Variants in SLC26A5 observed in about 807,000 individuals in gnomAD.
The protein encoded by SLC26A5 is solute carrier family 26 member 5.
SLC26A5 carries 51 observed loss-of-function variants against 81.0 expected under a neutral mutation model. That is an observed-to-expected ratio of 0.63 (90% CI 0.50 to 0.80). The LOEUF (loss-of-function observed/expected upper bound fraction) is 0.80, where lower values mean the gene tolerates loss of function less well. SLC26A5 is among the 30% of genes least tolerant of loss of function. The pLI is 0.00. For synonymous variants in SLC26A5, 325 were observed against 332.8 expected, an observed-to-expected ratio of 0.98 and a Z score of 0.25; for missense variants, 771 against 905.8, an observed-to-expected ratio of 0.85 and a Z score of 1.91.
chr7:103,397,231 A>G (rs1293447759), intron 9 of SLC26A5, among the ~76,000 whole-genome samples: 2 of 151,754 alleles, frequency 1.3e-5, no homozygotes, highest in Non-Finnish European at 2.9e-5. Flanking sequence ...ACATGGAGAA[A>G]CCCTGTCTCT....
rs1486086919 is a variant in SLC26A5 at position 103,421,300 on chromosome 7, T to C, written c.152+63A>G. 3.2e-6 allele frequency: 5 copies of C among 1,566,712 alleles called. No individual in the cohort carries two copies. In the African/African-American group the frequency reaches 4.1e-5, roughly 13 times the overall value. Reference sequence around the variant, plus strand: ...CACCAAACAGATTTTCTTTACACATTTGACCTTGCGCCTCTCATAACTGAA... The same window carrying C: ...CACCAAACAGATTTTCTTTACACATCTGACCTTGCGCCTCTCATAACTGAA... On this transcript the variant is annotated intron_variant, in intron 3 of 19. Coordinates refer to ENST00000306312, the MANE Select transcript of SLC26A5 (RefSeq NM_198999.3).
intron 2 of SLC26A5, among the ~76,000 whole-genome samples, chr7:103,435,737 G>A (rs1377291822): frequency 1.7e-4 from 26 of 152,070 alleles, no homozygotes; most frequent in Admixed American, 1.7e-3. Context: ...TCTTTCTAGG[G>A]GATCACTTGC....
At chr7:103,371,120 A>G (rs2116301636), downstream of SLC26A5, among the ~76,000 whole-genome samples, 1 of 152,354 alleles carries the variant, frequency 6.6e-6, no homozygotes, top group East Asian at 1.9e-4. Flanking sequence ...TGAGTAAAAC[A>G]TTCTGACGTA....
In SLC26A5 at chr7:103,392,640, C is replaced by T. The variant is rs533930016; in HGVS notation, c.1119+279G>A. On this transcript the variant is annotated intron_variant, in intron 10 of 19. Coordinates refer to ENST00000306312, the MANE Select transcript of SLC26A5 (RefSeq NM_198999.3). The stretch of plus-strand genomic sequence containing the variant: ...TCGCCCAGGCTGGAGTGCAGCGGCG[C>T]GACCTCGGCTCACTGCAAGCTCCGC... Among the ~76,000 whole-genome samples, 16 of 152,276 alleles carry T rather than the reference C, an allele frequency of 1.1e-4. 1 individual carries two copies. Among genetic ancestry groups the T allele is most frequent in the African/African-American group, 3.9e-4 (16 of 41,558 alleles).
intron 19 of SLC26A5, among the ~76,000 whole-genome samples, chr7:103,363,090 G>T (rs111293112): frequency 9.9e-5 from 15 of 152,108 alleles, no homozygotes; most frequent in African/African-American, 3.6e-4. Context: ...CACTGAGCCC[G>T]GCAGTATTTT....
chr7:103,381,000 C>A (rs1586218186), intron 14 of SLC26A5, among the ~76,000 whole-genome samples: 1 of 151,612 alleles, frequency 6.6e-6, no homozygotes, highest in African/African-American at 2.4e-5. Context: ...TACATACCCC[C>A]ACACACATGC....
intron 14 of SLC26A5, 21 bp from the exon 15 acceptor site, chr7:103,380,570 A>T (rs779164144): frequency 1.2e-6 from 2 of 1,607,520 alleles, no homozygotes; most frequent in Non-Finnish European, 1.7e-6. Context: ...AGAGTGTTAA[A>T]TACCATTGTG....
At chr7:103,388,332 G>T (rs1822371500) in intron 14 of SLC26A5, among the ~76,000 whole-genome samples, 1 of 151,802 alleles carries the variant, frequency 6.6e-6, no homozygotes, top group African/African-American at 2.4e-5. Context: ...AAGTAGCTGG[G>T]ATTACAGGTG....
At chr7:103,412,566 T>C (rs1410444616) in intron 5 of SLC26A5, among the ~76,000 whole-genome samples, 1 of 150,256 alleles carries the variant, frequency 6.7e-6, no homozygotes, top group Non-Finnish European at 1.5e-5. Flanking sequence ...TTTTTTTTTT[T>C]TGAGACAGAG....
At chr7:103,362,792 G>A (rs764001549) in intron 19 of SLC26A5, 3 of 867,924 alleles carry the variant, frequency 3.5e-6, no homozygotes, top group Admixed American at 2.2e-5. Context: ...GGAAGGCTAT[G>A]TCTTTTTTTT....
At chr7:103,369,170 GAAATT>G (rs1254200789) in intron 19 of SLC26A5, 1 of 152,084 alleles carries the variant, frequency 6.6e-6, no homozygotes, top group Non-Finnish European at 1.5e-5. Context: ...TTCAAGTAAA[GAAATT>G]AAAGCCTTTT....
At chr7:103,440,263 T>C (rs1409395925) in intron 2 of SLC26A5, among the ~76,000 whole-genome samples, 1 of 152,202 alleles carries the variant, frequency 6.6e-6, no homozygotes, top group African/African-American at 2.4e-5. Flanking sequence ...ACCTTTGAGA[T>C]TGTTGTTAAA....
chr7:103,359,760 T>C (rs972919612), intron 19 of SLC26A5, among the ~76,000 whole-genome samples: 27 of 152,366 alleles, frequency 1.8e-4, no homozygotes, highest in African/African-American at 5.8e-4. Flanking sequence ...CTTTAGCTTT[T>C]TGAAAATATT....
At chr7:103,381,544 A>G (rs1303728046) in intron 14 of SLC26A5, among the ~76,000 whole-genome samples, 1 of 151,018 alleles carries the variant, frequency 6.6e-6, no homozygotes, top group Non-Finnish European at 1.5e-5. Context: ...CACATACCAT[A>G]TACCTCACAC....
At chr7:103,373,860 T>C (rs1426424021), downstream of SLC26A5, among the ~76,000 whole-genome samples, 1 of 152,242 alleles carries the variant, frequency 6.6e-6, no homozygotes, top group Non-Finnish European at 1.5e-5. Flanking sequence ...AAATATGTTT[T>C]ATGTTCTTAT....
chr7:103,412,571 A>T lies in SLC26A5; in HGVS notation c.403+431T>A, dbSNP rs1440424740. Among the ~76,000 whole-genome samples, 6 of 128,194 alleles carry T rather than the reference A, an allele frequency of 4.7e-5. No individual in the cohort carries two copies. In the East Asian group the frequency reaches 1.3e-3, roughly 27 times the overall value. 84.1% of individuals were successfully genotyped at this position (128,194 alleles called of 152,430 possible). A position where few individuals can be genotyped will look rare whatever the true frequency, so the allele number is the denominator to read the frequency against. ...TTTTTTTGTTTTTTTTTTTTTTGAGACAGAGTCTCGTTCTGTTGCCCAGGT... is the reference window on the plus strand; with the variant it reads ...TTTTTTTGTTTTTTTTTTTTTTGAGTCAGAGTCTCGTTCTGTTGCCCAGGT... On this transcript the variant is annotated intron_variant, in intron 5 of 19. Coordinates refer to ENST00000306312, the MANE Select transcript of SLC26A5 (RefSeq NM_198999.3).
At chr7:103,369,838 G>A (rs1220000861), downstream of SLC26A5, among the ~76,000 whole-genome samples, 1 of 152,180 alleles carries the variant, frequency 6.6e-6, no homozygotes, top group Non-Finnish European at 1.5e-5. Context: ...TGTTAAAAAT[G>A]TGATTAGGTG....
chr7:103,427,305 G>C (rs1278676242), intron 2 of SLC26A5, among the ~76,000 whole-genome samples: 5 of 151,862 alleles, frequency 3.3e-5, no homozygotes, highest in Non-Finnish European at 7.4e-5. Context: ...TCAAACTCTT[G>C]ACCCTCAGGT....
chr7:103,427,606 T>A (rs970154581), intron 2 of SLC26A5, among the ~76,000 whole-genome samples: 11 of 152,204 alleles, frequency 7.2e-5, no homozygotes, highest in Admixed American at 7.2e-4. Context: ...TAACAACATT[T>A]TAAACTTCAG....
Sources: gnomAD v4.1 joint callset for allele counts (sites outside exome capture counted in the v4.1 genomes callset) on GRCh38, gnomAD v4.1.1 for gene constraint, MANE v1.5 for transcripts, NCBI Gene and HGNC (gene_info 2026-07-23, HGNC 2026-07-21) for gene names.